ALG5: variants seen among roughly 807,000 people sequenced by gnomAD.
ALG5 encodes ALG5 dolichyl-phosphate beta-glucosyltransferase.
A neutral mutation model predicts 51.8 loss-of-function variants in ALG5; 26 were observed. The ratio of observed to expected loss-of-function variants is 0.50; its 90% CI spans 0.37 to 0.70. The LOEUF (loss-of-function observed/expected upper bound fraction) is 0.70, where lower values mean the gene tolerates loss of function less well. ALG5 is among the 30% of genes least tolerant of loss of function. The probability of loss-of-function intolerance (pLI) is 0.00; values close to 1 mark genes in which losing one functional copy is unlikely to be tolerated. For missense variants in ALG5, 311 were observed against 399.3 expected, an observed-to-expected ratio of 0.78 and a Z score of 1.88; for synonymous variants, 141 against 136.1, an observed-to-expected ratio of 1.04 and a Z score of -0.25.
chr13:36,991,242 G>A (rs2059024071), intron 4 of ALG5, among the ~76,000 whole-genome samples: 1 of 152,092 alleles, frequency 6.6e-6, no homozygotes. Flanking sequence ...TTAAGACTCA[G>A]CCAAACACCA....
chr13:36,995,792 C>A (rs1296753517), intron 1 of ALG5, among the ~76,000 whole-genome samples, 196 bp from the exon 2 acceptor site: 6 of 152,160 alleles, frequency 3.9e-5, no homozygotes, highest in Non-Finnish European at 2.9e-5. Context: ...GAATTACTGT[C>A]CTTTTTTCCA....
intron 8 of ALG5, among the ~76,000 whole-genome samples, chr13:36,959,594 T>C (rs190584452): frequency 4.1e-4 from 62 of 151,796 alleles, no homozygotes; most frequent in Non-Finnish European, 7.5e-4. Context: ...CAAAAGGGGG[T>C]GGAAACAACA....
intron 3 of ALG5, among the ~76,000 whole-genome samples, chr13:36,994,190 G>C (rs897050635): frequency 5.3e-5 from 8 of 152,164 alleles, no homozygotes; most frequent in African/African-American, 1.9e-4. Flanking sequence ...ACATATTAAA[G>C]GCTCAATTCC....
At chr13:36,997,072 C>A (rs2059054036) in intron 1 of ALG5, among the ~76,000 whole-genome samples, 1 of 152,058 alleles carries the variant, frequency 6.6e-6, no homozygotes, top group Admixed American at 6.6e-5. Flanking sequence ...ATCCTAACTA[C>A]CAGTTTATAG....
At position 36,990,502 on chromosome 13, in the gene ALG5, A is replaced by G. The variant is rs2059020985; in HGVS notation, c.355-926T>C. 2.0e-5 allele frequency among the ~76,000 whole-genome samples: 3 copies of G among 152,232 alleles called. No individual in the cohort carries two copies. In the South Asian group the frequency reaches 6.2e-4, roughly 32 times the overall value. On this transcript the variant is annotated intron_variant, in intron 4 of 9. Transcript: ENST00000239891. ...CACAAGGACTGACTCTACACTGTAC[A>G]TACAGCTAATGGGAAACCCCTGGCC...
rs1593692574 is a variant in ALG5, at chr13:36,999,253, C to T, written c.48G>A (p.Ala16=). The T allele has an allele frequency of 1.3e-6, 2 of 1,580,236 alleles. No homozygotes were observed. Among genetic ancestry groups the T allele is most frequent in the Non-Finnish European group, 1.7e-6 (2 of 1,166,148 alleles). ...LQLAVLGAAL[A]AAALVLISIV... is the part of the protein sequence containing the mutation. ...TTCTCACCAGTACGAGGGCTGCGGC[C>T]GCCAGCGCCGCGCCGAGCACCGCCA... Residue 16 remains alanine, a synonymous_variant, in exon 1 of 10, where the codon GCG becomes GCA. Coordinates refer to ENST00000239891, the MANE Select transcript of ALG5 (RefSeq NM_013338.5).
At chr13:36,972,865 G>A (rs956783650) in intron 6 of ALG5, among the ~76,000 whole-genome samples, 19 of 151,630 alleles carry the variant, frequency 1.3e-4, no homozygotes, top group African/African-American at 2.7e-4. Flanking sequence ...GGTGGCGGGC[G>A]CCTGTAATCC....
intron 8 of ALG5, among the ~76,000 whole-genome samples, chr13:36,961,121 A>T (rs2058864665): frequency 6.6e-6 from 1 of 152,080 alleles, no homozygotes; most frequent in African/African-American, 2.4e-5. Flanking sequence ...AAATAATACA[A>T]ATAAAATATA....
intron 9 of ALG5, among the ~76,000 whole-genome samples, chr13:36,950,475 A>C (rs2058813263): frequency 6.6e-6 from 1 of 152,232 alleles, no homozygotes; most frequent in Admixed American, 6.5e-5. Context: ...ATAAAAAATA[A>C]AGCCTATGAT....
At chr13:36,993,149 C>T (rs1168851737) in intron 4 of ALG5, among the ~76,000 whole-genome samples, 2 of 152,222 alleles carry the variant, frequency 1.3e-5, no homozygotes, top group Non-Finnish European at 1.5e-5. Context: ...TCACATCATA[C>T]TATTCAAAGT....
intron 6 of ALG5, among the ~76,000 whole-genome samples, chr13:36,982,001 G>A (rs1409069676): frequency 6.6e-6 from 1 of 152,210 alleles, no homozygotes; most frequent in Non-Finnish European, 1.5e-5. Flanking sequence ...TGAGGCAGGA[G>A]AATGGTGTGA....
chr13:36,997,371 G>C (rs1331214194), intron 1 of ALG5, among the ~76,000 whole-genome samples: 1 of 149,652 alleles, frequency 6.7e-6, no homozygotes, highest in African/African-American at 2.5e-5. Context: ...TACTCAGGAG[G>C]CTGAGGCAGG....
At position 36,964,995 on chromosome 13, in the gene ALG5, A is replaced by C. The variant is rs2058886086; in HGVS notation, c.773+580T>G. Among the ~76,000 whole-genome samples, 4 of 152,224 alleles carry C rather than the reference A, an allele frequency of 2.6e-5. No individual in the cohort carries two copies. In the South Asian group the frequency reaches 8.3e-4, roughly 32 times the overall value. ...TGGGGTGAGGAGTGAGTGGGAAGCAAGAAAACAAAGCCAGTGAATATAAAA... is the reference window on the plus strand; with the variant it reads ...TGGGGTGAGGAGTGAGTGGGAAGCACGAAAACAAAGCCAGTGAATATAAAA... On this transcript the variant is annotated intron_variant, in intron 8 of 9. Transcript: ENST00000239891.
rs35424140 is a variant in ALG5, at chr13:36,971,649, C to CAAAAA, written c.621+323_621+327dup. On this transcript the variant is annotated intron_variant, in intron 7 of 9. Coordinates refer to ENST00000239891, the MANE Select transcript of ALG5 (RefSeq NM_013338.5). ...GGGCAACAGAGGGAGACTCCGTCTC[C>CAAAAA]AAAAAAAAAAAAAAAAAAAAAGCGT... is the stretch of plus-strand genomic sequence containing the variant. Among the ~76,000 whole-genome samples the CAAAAA allele has an allele frequency of 2.4e-3, 121 of 50,278 alleles. 4 individuals carry two copies. Among genetic ancestry groups the CAAAAA allele is most frequent in the African/African-American group, 4.8e-3 (55 of 11,544 alleles). The allele number at this position is 50,278 out of a possible 152,430, so 33.0% of individuals were successfully genotyped here. A position where few individuals can be genotyped will look rare whatever the true frequency, so the allele number is the denominator to read the frequency against.
chr13:36,992,900 C>G (rs1319654515), intron 4 of ALG5, among the ~76,000 whole-genome samples: 1 of 152,098 alleles, frequency 6.6e-6, no homozygotes, highest in African/African-American at 2.4e-5. Flanking sequence ...GCAGTGGGGC[C>G]AATTGCTAAC....
chr13:36,991,389 G>A (rs990726572), intron 4 of ALG5, among the ~76,000 whole-genome samples: 1 of 151,986 alleles, frequency 6.6e-6, no homozygotes, highest in Non-Finnish European at 1.5e-5. Context: ...AACTGTAAAT[G>A]TCAGCTACTT....
At chr13:36,966,943 C>T (rs989673231) in intron 7 of ALG5, among the ~76,000 whole-genome samples, 5 of 152,140 alleles carry the variant, frequency 3.3e-5, no homozygotes, top group South Asian at 2.1e-4. Context: ...CCAAATCAGG[C>T]GAGGTGCGGT....
intron 8 of ALG5, among the ~76,000 whole-genome samples, chr13:36,956,925 T>C (rs992151372): frequency 6.6e-6 from 1 of 151,834 alleles, no homozygotes; most frequent in African/African-American, 2.4e-5. Context: ...TGGGGTAATC[T>C]CCTCCAGGAA....
intron 8 of ALG5, among the ~76,000 whole-genome samples, chr13:36,957,480 C>T (rs1278664615): frequency 6.6e-6 from 1 of 152,066 alleles, no homozygotes; most frequent in Non-Finnish European, 1.5e-5. Flanking sequence ...CTGCGGTAAC[C>T]CAGGAAGTAT....
Sources: allele counts gnomAD v4.1 joint callset (sites outside exome capture counted in the v4.1 genomes callset), GRCh38; gene constraint gnomAD v4.1.1; transcripts MANE v1.5; gene names NCBI Gene and HGNC (gene_info 2026-07-23, HGNC 2026-07-21).